SERINC5: variants seen among roughly 807,000 people sequenced by gnomAD.
The protein encoded by SERINC5 is chromosome 5 open reading frame 12.
SERINC5 carries 41 observed loss-of-function variants against 63.1 expected under a neutral mutation model. That is an observed-to-expected ratio of 0.65 (90% CI 0.51 to 0.84). SERINC5 has a LOEUF of 0.84. SERINC5 is among the 40% of genes least tolerant of loss of function. SERINC5 has a pLI of 0.00. For missense variants in SERINC5, 523 were observed against 573.0 expected (o/e 0.91, Z 0.89); for synonymous variants, 222 against 215.2 (o/e 1.03, Z -0.28).
At chr5:80,192,370 C>T (rs4704627) in intron 2 of SERINC5, among the ~76,000 whole-genome samples, 56,016 of 152,040 alleles carry the variant, frequency 0.37, 11,220 homozygotes, top group East Asian at 0.81. Context: ...TCTTCCCTTC[C>T]TCAGGGCTGT....
intron 1 of SERINC5, among the ~76,000 whole-genome samples, 192 bp downstream of exon 1, chr5:80,255,703 CT>C (rs540306319): frequency 8.5e-5 from 13 of 152,268 alleles, no homozygotes; most frequent in African/African-American, 2.9e-4. Context: ...GGGCTTCCCC[CT>C]GCCCCTTCCC....
At chr5:80,221,036 GAC>G (rs1434519150) in intron 1 of SERINC5, among the ~76,000 whole-genome samples, 2 of 152,070 alleles carry the variant, frequency 1.3e-5, no homozygotes, top group Non-Finnish European at 2.9e-5. Flanking sequence ...CAAAAGCAGA[GAC>G]TGCCTCACTG....
chr5:80,221,575 T>C (rs1750908525), intron 1 of SERINC5, among the ~76,000 whole-genome samples: 1 of 152,216 alleles, frequency 6.6e-6, no homozygotes, highest in South Asian at 2.1e-4. Flanking sequence ...GGCCTTTGTT[T>C]ACTTTATCTT....
chr5:80,168,406 G>C (rs892051506), intron 6 of SERINC5, among the ~76,000 whole-genome samples: 2 of 152,006 alleles, frequency 1.3e-5, no homozygotes, highest in Admixed American at 6.6e-5. Context: ...TCCCGAAGTT[G>C]GCCAGGCTAG....
intron 1 of SERINC5, among the ~76,000 whole-genome samples, chr5:80,241,175 A>G (rs1751923131): frequency 6.6e-6 from 1 of 152,092 alleles, no homozygotes; most frequent in Admixed American, 6.6e-5. Flanking sequence ...ACATCTTAAG[A>G]AATAAAAAGG....
intron 1 of SERINC5, among the ~76,000 whole-genome samples, chr5:80,210,416 CCT>C (rs1346960233): frequency 6.6e-6 from 1 of 152,170 alleles, no homozygotes; most frequent in Non-Finnish European, 1.5e-5. Context: ...AATATGTCTC[CCT>C]CTCTGTCCTC....
intron 9 of SERINC5, 137 bp from the exon 10 acceptor site, chr5:80,147,421 GT>G (rs1236242945): frequency 7.8e-6 from 7 of 899,604 alleles, no homozygotes; most frequent in Middle Eastern, 2.2e-4. Context: ...GGTGTGCTGG[GT>G]GTTGGTGACA....
intron 1 of SERINC5, among the ~76,000 whole-genome samples, chr5:80,231,512 A>G (rs1361329978): frequency 2.0e-5 from 3 of 152,190 alleles, no homozygotes; most frequent in Non-Finnish European, 4.4e-5. Context: ...TGAGTCAGCC[A>G]TCTAAGAATG....
At chr5:80,255,824 G>GTCC in intron 1 of SERINC5, 72 bp downstream of exon 1, 1 of 1,508,910 alleles carries the variant, frequency 6.6e-7, no homozygotes, top group Non-Finnish European at 9.0e-7. Flanking sequence ...ACCCAGGCAG[G>GTCC]TCCTCCACGC....
At chr5:80,229,153 A>G (rs1255003881) in intron 1 of SERINC5, among the ~76,000 whole-genome samples, 2 of 148,692 alleles carry the variant, frequency 1.3e-5, no homozygotes, top group Admixed American at 1.4e-4. Flanking sequence ...CCTCCCCAGT[A>G]GCTAGGATTA....
At chr5:80,246,209 C>T (rs990363756) in intron 1 of SERINC5, among the ~76,000 whole-genome samples, 1 of 152,038 alleles carries the variant, frequency 6.6e-6, no homozygotes, top group African/African-American at 2.4e-5. Flanking sequence ...TGGGGTGAAC[C>T]ACACTCACCA....
chr5:80,245,569 G>C (rs980991094), intron 1 of SERINC5, among the ~76,000 whole-genome samples: 2 of 151,936 alleles, frequency 1.3e-5, no homozygotes, highest in African/African-American at 4.8e-5. Context: ...GCTACATACA[G>C]CCTCTGAACT....
chr5:80,237,345 C>CTTT (rs61277664), intron 1 of SERINC5, among the ~76,000 whole-genome samples: 8 of 150,826 alleles, frequency 5.3e-5, no homozygotes, highest in Non-Finnish European at 7.4e-5. Context: ...CTTTCTCTCT[C>CTTT]TTTTTTTTTC....
chr5:80,204,545 A>C (rs73128097), intron 1 of SERINC5, among the ~76,000 whole-genome samples: 1 of 152,186 alleles, frequency 6.6e-6, no homozygotes, highest in Non-Finnish European at 1.5e-5. Context: ...CAAAGCTTTC[A>C]TCGGAATTGT....
At chr5:80,124,278 A>G (rs1283938095) in intron 11 of SERINC5, among the ~76,000 whole-genome samples, 1 of 152,180 alleles carries the variant, frequency 6.6e-6, no homozygotes, top group Non-Finnish European at 1.5e-5. Flanking sequence ...ATCACATAGC[A>G]TGCCGCACTT....
chr5:80,114,161 G>A (rs1459746188), intron 11 of SERINC5, among the ~76,000 whole-genome samples: 3 of 152,008 alleles, frequency 2.0e-5, no homozygotes, highest in South Asian at 2.1e-4. Context: ...GTCTGTATTA[G>A]TCTGTTTTCA....
At chr5:80,190,452 C>A (rs553105045) in intron 2 of SERINC5, among the ~76,000 whole-genome samples, 1 of 152,152 alleles carries the variant, frequency 6.6e-6, no homozygotes, top group African/African-American at 2.4e-5. Context: ...ATCTTCATTC[C>A]GTACTATATG....
intron 11 of SERINC5, among the ~76,000 whole-genome samples, chr5:80,129,649 A>T (rs1345849137): frequency 6.6e-6 from 1 of 152,204 alleles, no homozygotes; most frequent in Non-Finnish European, 1.5e-5. Flanking sequence ...TTCAGAACAC[A>T]TTCAATAAGA....
In SERINC5 at chr5:80,182,545, C is replaced by CG. The variant is rs1261152044; in HGVS notation, c.196-4482_196-4481insC. On this transcript the variant is annotated intron_variant, in intron 2 of 11. Transcript: ENST00000507668. The stretch of plus-strand genomic sequence containing the variant: ...GCCATAAGCTTCTATCATCTGACCG[C>CG]CCCCCCCCCCTCCGCTTTTTTTTAA... Among the ~76,000 whole-genome samples, 322 of 32,564 alleles carry CG rather than the reference C, an allele frequency of 9.9e-3. 8 individuals carry two copies. Among genetic ancestry groups the CG allele is most frequent in the Non-Finnish European group, 0.012 (219 of 17,626 alleles). The allele number at this position is 32,564 out of a possible 152,430, so 21.4% of individuals were successfully genotyped here.
Sources: gnomAD v4.1 joint callset for allele counts (sites outside exome capture counted in the v4.1 genomes callset) on GRCh38, gnomAD v4.1.1 for gene constraint, MANE v1.5 for transcripts, NCBI Gene and HGNC (gene_info 2026-07-23, HGNC 2026-07-21) for gene names.